SLC8A2: variants seen among roughly 807,000 people sequenced by gnomAD.
SLC8A2 encodes solute carrier family 8 member A2, also known as sodium/calcium exchanger 2.
A neutral mutation model predicts 70.2 loss-of-function variants in SLC8A2; 14 were observed. The ratio of observed to expected loss-of-function variants is 0.20; its 90% confidence interval spans 0.13 to 0.31. The LOEUF (loss-of-function observed/expected upper bound fraction) is 0.31, where lower values mean the gene tolerates loss of function less well. Among genes scored for constraint, SLC8A2 ranks in the 10% least tolerant of loss-of-function variants. The pLI is 1.00. For synonymous variants in SLC8A2, 575 were observed against 594.3 expected (o/e 0.97, Z 0.47); for missense variants, 779 against 1,320.1 (o/e 0.59, Z 6.35).
At position 47,448,936 on chromosome 19, in the gene SLC8A2, A is replaced by G. The variant is rs983615191; in HGVS notation, c.1341-705T>C. On this transcript the variant is annotated intron_variant, in intron 3 of 9. Coordinates refer to ENST00000236877, the MANE Select transcript of SLC8A2 (RefSeq NM_015063.3). The surrounding 1 kb of genome is among the most constrained non-coding windows in gnomAD (Gnocchi z 4.8). ...TGCCGAGTGGTGCTGGGGACACAGC[A>G]GTAACCAGGCCCTGTCCTCACAGGG... Among the ~76,000 whole-genome samples the G allele has an allele frequency of 6.6e-6, 1 of 152,212 alleles. No individual in the cohort carries two copies. The highest frequency in any genetic ancestry group is 1.5e-5 in the Non-Finnish European group (1 of 68,036).
intron 5 of SLC8A2, 48 bp downstream of exon 5, chr19:47,441,289 C>T (rs780362000): frequency 1.0e-5 from 16 of 1,584,578 alleles, no homozygotes; most frequent in Middle Eastern, 1.7e-4. Flanking sequence ...GAAAGTCCCC[C>T]GACCCTGGAC....
intron 3 of SLC8A2, among the ~76,000 whole-genome samples, chr19:47,456,139 G>A (rs1002598922): frequency 6.6e-6 from 1 of 152,200 alleles, no homozygotes; most frequent in African/African-American, 2.4e-5. Context: ...GAGAAGGCTT[G>A]TTCTACCAGG....
intron 8 of SLC8A2, among the ~76,000 whole-genome samples, chr19:47,433,674 G>A (rs4802362): frequency 0.63 from 94,692 of 150,742 alleles, 34,044 homozygotes; most frequent in Non-Finnish European, 0.79. Context: ...TTTTGAGACA[G>A]AGCCTCCCTC....
intron 3 of SLC8A2, among the ~76,000 whole-genome samples, chr19:47,449,567 G>T (rs745310606): frequency 4.6e-5 from 7 of 152,102 alleles, no homozygotes; most frequent in African/African-American, 1.7e-4. Context: ...CAAAAGATCC[G>T]CCTGTCTTGG....
rs1408470448 is a variant in SLC8A2 at position 47,468,557 on chromosome 19, G to A, written c.-16-2138C>T. On this transcript the variant is annotated intron_variant, in intron 1 of 9. Transcript: ENST00000236877. The surrounding 1 kb of genome is among the most constrained non-coding windows in gnomAD (Gnocchi z 5.1). ...CCTGCCTTGGCCTCCCAAAGTGCTG[G>A]GATCACAGGTGCGTGCCACCGTGCC... Among the ~76,000 whole-genome samples the A allele has an allele frequency of 6.6e-6, 1 of 152,054 alleles. No individual in the cohort carries two copies. Among genetic ancestry groups the A allele is most frequent in the Non-Finnish European group, 1.5e-5 (1 of 67,992 alleles).
chr19:47,447,501 C>T lies in SLC8A2; in HGVS notation c.1763+308G>A. On this transcript the variant is annotated intron_variant, in intron 4 of 9. Transcript: ENST00000236877. This position sits in a 1 kb window ranked among gnomAD's most constrained non-coding sequence, Gnocchi z 5.1. Reference sequence around the variant, plus strand: ...TCACAACCCCACCAGGCCCCGCCCACGTGGTAGACACAGCACACCTAGGCC... The same window carrying T: ...TCACAACCCCACCAGGCCCCGCCCATGTGGTAGACACAGCACACCTAGGCC... 2.3e-6 allele frequency: 1 copy of T among 432,942 alleles called. No individual in the cohort carries two copies. Among genetic ancestry groups the T allele is most frequent in the African/African-American group, 2.1e-5 (1 of 47,380 alleles). The allele number at this position is 432,942 out of a possible 1,614,324, so 26.8% of individuals were successfully genotyped here. A position where few individuals can be genotyped will look rare whatever the true frequency, so the allele number is the denominator to read the frequency against.
intron 4 of SLC8A2, among the ~76,000 whole-genome samples, chr19:47,442,821 C>G (rs1967114953): frequency 6.6e-6 from 1 of 152,058 alleles, no homozygotes; most frequent in Admixed American, 6.6e-5. Flanking sequence ...GTAGCTGGGA[C>G]TACAGGTATA....
At chr19:47,455,810 A>T (rs1232116296) in intron 3 of SLC8A2, among the ~76,000 whole-genome samples, 1 of 152,216 alleles carries the variant, frequency 6.6e-6, no homozygotes, top group East Asian at 1.9e-4. Flanking sequence ...GTAGGTGCTC[A>T]GGAGGAACTG....
rs146781080 is a variant in SLC8A2 at position 47,441,547 on chromosome 19, G to A, written c.1764-107C>T. 1.9e-3 allele frequency: 1,207 copies of A among 651,190 alleles called. 12 individuals are homozygous for A. The highest frequency in any genetic ancestry group is 0.018 in the African/African-American group (994 of 55,710). 40.3% of individuals were successfully genotyped at this position (651,190 alleles called of 1,614,324 possible). A position where few individuals can be genotyped will look rare whatever the true frequency, so the allele number is the denominator to read the frequency against. On this transcript the variant is annotated intron_variant, in intron 4 of 9. Coordinates refer to ENST00000236877, the MANE Select transcript of SLC8A2 (RefSeq NM_015063.3). ...ACCCAGTTTTCCAAGCACCTCCTCT[G>A]TCCCAGACTCCACAATCTCATTTAC...
At chr19:47,435,634 T>G (rs1967019194) in intron 8 of SLC8A2, among the ~76,000 whole-genome samples, 1 of 150,834 alleles carries the variant, frequency 6.6e-6, no homozygotes, top group Non-Finnish European at 1.5e-5. Context: ...CCGCAACCTC[T>G]GCCTCCCAGG....
At chr19:47,434,404 A>T (rs1967001003) in intron 8 of SLC8A2, among the ~76,000 whole-genome samples, 1 of 152,120 alleles carries the variant, frequency 6.6e-6, no homozygotes, top group Non-Finnish European at 1.5e-5. Context: ...CTGGTGTCCA[A>T]CCCTGGATCC....
In SLC8A2 at chr19:47,432,459, A is replaced by G; in HGVS notation, c.2111-14T>C. ...CCTCCTCGTCCCCTGTGGGCACACGACCCAGCTGGGGCATACACTCAGACT... is the reference window on the plus strand; with the variant it reads ...CCTCCTCGTCCCCTGTGGGCACACGGCCCAGCTGGGGCATACACTCAGACT... On this transcript the variant is annotated splice_polypyrimidine_tract_variant and intron_variant, in intron 8 of 9. Transcript: ENST00000236877. The surrounding 1 kb of genome is among the most constrained non-coding windows in gnomAD (Gnocchi z 6.2). 6.4e-7 allele frequency: 1 copy of G among 1,574,728 alleles called. No homozygotes were observed. The highest frequency in any genetic ancestry group is 8.6e-7 in the Non-Finnish European group (1 of 1,160,862).
In SLC8A2 at chr19:47,429,972, C is replaced by G; in HGVS notation, c.*117G>C. The G allele has an allele frequency of 9.5e-7, 1 of 1,058,040 alleles. No individual in the cohort carries two copies. The highest frequency in any genetic ancestry group is 1.3e-6 in the Non-Finnish European group (1 of 746,964). The allele number at this position is 1,058,040 out of a possible 1,614,324, so 65.5% of individuals were successfully genotyped here. ...CAGGGGAGGGGGCGGAGAAGGGAGGCCGAGTCCCAGGAGAGGAGGCCGAGT... is the reference window on the plus strand; with the variant it reads ...CAGGGGAGGGGGCGGAGAAGGGAGGGCGAGTCCCAGGAGAGGAGGCCGAGT... On this transcript the variant is annotated 3_prime_UTR_variant, in exon 10 of 10. Coordinates refer to ENST00000236877, the MANE Select transcript of SLC8A2 (RefSeq NM_015063.3).
Position 47,465,780 on chromosome 19 carries a change from G to A in SLC8A2, c.624C>T (p.Ala208=). The A allele has an allele frequency of 6.2e-7, 1 of 1,614,014 alleles. No homozygotes were observed. The highest frequency in any genetic ancestry group is 1.6e-4 in the Middle Eastern group (1 of 6,062). Residue 208 remains alanine (A), a synonymous_variant, in exon 2 of 10, where the codon GCC becomes GCT. Coordinates refer to ENST00000236877, the MANE Select transcript of SLC8A2 (RefSeq NM_015063.3). This position sits in a 1 kb window ranked among gnomAD's most constrained non-coding sequence, Gnocchi z 5.5. ...CAAGGATGAGATAAAGCCAGACATA[G>A]GCGAAGATGCTCCAAGAGGCAGTGA... is the stretch of plus-strand genomic sequence containing the variant. ...FFVTASWSIF[A]YVWLYLILAV...
At chr19:47,441,148 C>G in intron 6 of SLC8A2, 21 bp downstream of exon 6, 4 of 1,612,688 alleles carry the variant, frequency 2.5e-6, no homozygotes, top group Non-Finnish European at 3.4e-6. Context: ...CCACTCAGAG[C>G]CCAGAGGTGA....
rs952402361 is a variant in SLC8A2 at position 47,470,803 on chromosome 19, G to T, written c.-17+986C>A. 3.3e-5 allele frequency among the ~76,000 whole-genome samples: 5 copies of T among 152,260 alleles called. No individual in the cohort carries two copies. The East Asian group carries it at 7.7e-4, about 24-fold the overall frequency. On this transcript the variant is annotated intron_variant, in intron 1 of 9. Coordinates refer to ENST00000236877, the MANE Select transcript of SLC8A2 (RefSeq NM_015063.3). Reference sequence around the variant, plus strand: ...ACCGGTTAAACTGCAAGAAGGACCGGCCTCAGAACGCCAGAAACAAGGCAG... The same window carrying T: ...ACCGGTTAAACTGCAAGAAGGACCGTCCTCAGAACGCCAGAAACAAGGCAG...
chr19:47,441,468 ACACT>A (rs756746819), intron 4 of SLC8A2, 28 bp from the exon 5 acceptor site: 1 of 1,419,356 alleles, frequency 7.0e-7, no homozygotes, highest in Non-Finnish European at 9.9e-7. Context: ...GGGAGGCAGA[ACACT>A]CAGTGTAAGG....
chr19:47,450,215 T>C (rs921150970), intron 3 of SLC8A2, among the ~76,000 whole-genome samples: 1 of 152,164 alleles, frequency 6.6e-6, no homozygotes, highest in Non-Finnish European at 1.5e-5. Flanking sequence ...GCATTCACTA[T>C]CACTTTCATA....
In SLC8A2 at chr19:47,447,401, GT is replaced by G; in HGVS notation, c.1763+407del. Reference sequence around the variant, plus strand: ...GCCCCGTCCCATCTCTCCTCACCTCGTCCCCCCTTCCTCCTTGGGGCCCTCT... The same window carrying G: ...GCCCCGTCCCATCTCTCCTCACCTCGCCCCCCTTCCTCCTTGGGGCCCTCT... On this transcript the variant is annotated intron_variant, in intron 4 of 9. Transcript: ENST00000236877. The surrounding 1 kb of genome is among the most constrained non-coding windows in gnomAD (Gnocchi z 5.1). 4.3e-6 allele frequency: 1 copy of G among 233,110 alleles called. No individual in the cohort carries two copies. The highest frequency in any genetic ancestry group is 5.6e-5 in the South Asian group (1 of 17,888). 14.4% of individuals were successfully genotyped at this position (233,110 alleles called of 1,614,324 possible).
Sources: allele counts gnomAD v4.1 joint callset (sites outside exome capture counted in the v4.1 genomes callset), GRCh38; gene constraint gnomAD v4.1.1; non-coding constraint Gnocchi (gnomAD v3.1); transcripts MANE v1.5; gene names NCBI Gene and HGNC (gene_info 2026-07-23, HGNC 2026-07-21).